FAM107B: variants seen among roughly 807,000 people sequenced by gnomAD.
The protein encoded by FAM107B is protein FAM107B.
Under a neutral mutation model 31.5 loss-of-function variants are expected in FAM107B, and 21 were observed. That is an observed-to-expected ratio of 0.67 (90% CI 0.47 to 0.96). The LOEUF (loss-of-function observed/expected upper bound fraction) is 0.96, where lower values mean the gene tolerates loss of function less well. FAM107B is among the 40% of genes least tolerant of loss of function. FAM107B has a pLI of 0.00. For missense variants in FAM107B, 452 were observed against 377.1 expected (o/e 1.20, Z -1.64); for synonymous variants, 157 against 141.5 (o/e 1.11, Z -0.78).
chr10:14,672,669 G>C (rs977230373), intron 1 of FAM107B, among the ~76,000 whole-genome samples: 1 of 152,194 alleles, frequency 6.6e-6, no homozygotes, highest in Admixed American at 6.5e-5. Context: ...CTAATCCCAA[G>C]ATGCCTCATT....
chr10:14,746,948 C>CT (rs371526334), intron 1 of FAM107B, among the ~76,000 whole-genome samples: 386 of 152,312 alleles, frequency 2.5e-3, no homozygotes, highest in African/African-American at 8.7e-3. Flanking sequence ...TAGGTTTGGT[C>CT]TTTTTACATA....
chr10:14,653,090 G>A (rs3740114), intron 2 of FAM107B, among the ~76,000 whole-genome samples: 41,510 of 152,106 alleles, frequency 0.27, 5,871 homozygotes, highest in South Asian at 0.34. Context: ...TGAGTAGAGA[G>A]AAGGCTCCAT....
chr10:14,679,924 C>T (rs1217881917), intron 1 of FAM107B, among the ~76,000 whole-genome samples: 2 of 152,202 alleles, frequency 1.3e-5, no homozygotes, highest in Non-Finnish European at 2.9e-5. Context: ...CCTCAAACAT[C>T]GGACTCCAAG....
intron 1 of FAM107B, among the ~76,000 whole-genome samples, chr10:14,729,564 C>T (rs1564276909): frequency 1.3e-5 from 2 of 152,168 alleles, no homozygotes; most frequent in South Asian, 2.1e-4. Context: ...TAAAAAGAGT[C>T]ATAGGATCAG....
intron 2 of FAM107B, among the ~76,000 whole-genome samples, chr10:14,618,703 G>A (rs150214524): frequency 1.1e-3 from 172 of 152,210 alleles, no homozygotes; most frequent in African/African-American, 3.9e-3. Flanking sequence ...CAGGCATGGT[G>A]GTGTGAACCT....
intron 1 of FAM107B, among the ~76,000 whole-genome samples, chr10:14,726,409 A>G (rs1287993346): frequency 6.6e-6 from 1 of 152,216 alleles, no homozygotes; most frequent in Non-Finnish European, 1.5e-5. Flanking sequence ...CGAGCAGAAC[A>G]GGTGCAGCAG....
At chr10:14,767,899 G>T (rs1015799266) in intron 1 of FAM107B, among the ~76,000 whole-genome samples, 3 of 152,138 alleles carry the variant, frequency 2.0e-5, no homozygotes, top group Admixed American at 2.0e-4. Flanking sequence ...TTGATGACAT[G>T]ATCTTATGTG....
chr10:14,679,814 G>C (rs962531283), intron 1 of FAM107B, among the ~76,000 whole-genome samples: 3 of 152,196 alleles, frequency 2.0e-5, no homozygotes, highest in African/African-American at 7.2e-5. Flanking sequence ...CTAATCAGCT[G>C]CCAGCACAGC....
intron 1 of FAM107B, among the ~76,000 whole-genome samples, chr10:14,706,602 A>G (rs1855525769): frequency 6.6e-6 from 1 of 152,120 alleles, no homozygotes; most frequent in Non-Finnish European, 1.5e-5. Flanking sequence ...CATCCTTATA[A>G]ATATATATAG....
chr10:14,577,036 T>C (rs1409369170), intron 2 of FAM107B, among the ~76,000 whole-genome samples: 1 of 152,224 alleles, frequency 6.6e-6, no homozygotes, highest in Non-Finnish European at 1.5e-5. Flanking sequence ...AATGTATGCT[T>C]ACAAAGAAGT....
intron 1 of FAM107B, among the ~76,000 whole-genome samples, chr10:14,722,902 T>C (rs1030117181): frequency 2.6e-5 from 4 of 152,214 alleles, no homozygotes; most frequent in African/African-American, 9.6e-5. Context: ...TCCAAGGTCA[T>C]GAAGACTTAC....
At chr10:14,734,864 T>C (rs1036222615) in intron 1 of FAM107B, among the ~76,000 whole-genome samples, 1 of 152,108 alleles carries the variant, frequency 6.6e-6, no homozygotes, top group Admixed American at 6.6e-5. Flanking sequence ...AGTACCTTGG[T>C]AGTGAAATGC....
chr10:14,628,243 A>C (rs1182198099), intron 2 of FAM107B, among the ~76,000 whole-genome samples: 1 of 150,608 alleles, frequency 6.6e-6, no homozygotes, highest in Non-Finnish European at 1.5e-5. Flanking sequence ...CAGGCTCCCA[A>C]GTAGCTGGGA....
intron 2 of FAM107B, among the ~76,000 whole-genome samples, chr10:14,613,041 A>C (rs1474244586): frequency 2.6e-5 from 4 of 152,082 alleles, no homozygotes; most frequent in Admixed American, 2.6e-4. Flanking sequence ...GCGCAATCTC[A>C]GCTCAGTGCA....
At chr10:14,535,439 G>A (rs1287913709) in intron 2 of FAM107B, among the ~76,000 whole-genome samples, 3 of 152,202 alleles carry the variant, frequency 2.0e-5, no homozygotes, top group East Asian at 3.8e-4. Flanking sequence ...TTAGAGGCCT[G>A]GAAAACTCTG....
intron 1 of FAM107B, among the ~76,000 whole-genome samples, chr10:14,755,412 G>C (rs1832908406): frequency 6.6e-6 from 1 of 151,592 alleles, no homozygotes; most frequent in African/African-American, 2.4e-5. Flanking sequence ...ATGATGGTGG[G>C]TGCCTGTAAT....
At chr10:14,719,493 C>A (rs988899317) in intron 1 of FAM107B, among the ~76,000 whole-genome samples, 1 of 152,082 alleles carries the variant, frequency 6.6e-6, no homozygotes, top group East Asian at 1.9e-4. Context: ...GTAAAAGATA[C>A]AAATGGGCTA....
At chr10:14,607,196 C>T (rs1160622913) in intron 2 of FAM107B, among the ~76,000 whole-genome samples, 3 of 152,148 alleles carry the variant, frequency 2.0e-5, no homozygotes, top group Non-Finnish European at 2.9e-5. Context: ...CTCAAAGTCA[C>T]GATGCTACCT....
intron 2 of FAM107B, among the ~76,000 whole-genome samples, chr10:14,601,505 A>G (rs573641087): frequency 2.2e-4 from 34 of 152,300 alleles, no homozygotes; most frequent in African/African-American, 7.7e-4. Flanking sequence ...AGGTCTCATG[A>G]GGTCATCCCA....
Sources: allele counts gnomAD v4.1 joint callset (sites outside exome capture counted in the v4.1 genomes callset), GRCh38; gene constraint gnomAD v4.1.1; transcripts MANE v1.5; gene names NCBI Gene and HGNC (gene_info 2026-07-23, HGNC 2026-07-21).